LRRC7: variants seen among roughly 807,000 people sequenced by gnomAD.
LRRC7 encodes leucine rich repeat containing 7, also known as leucine-rich repeat-containing protein 7.
LRRC7 carries 23 observed loss-of-function variants against 175.7 expected under a neutral mutation model. The ratio of observed to expected loss-of-function variants is 0.13; its 90% CI spans 0.09 to 0.19. The LOEUF is 0.19. LRRC7 is among the 10% of genes least tolerant of loss of function. The pLI is 1.00. For missense variants in LRRC7, 1,354 were observed against 1,904.7 expected (o/e 0.71, Z 5.38); for synonymous variants, 685 against 680.9 (o/e 1.01, Z -0.09).
intron 2 of LRRC7, among the ~76,000 whole-genome samples, chr1:69,759,195 C>T (rs913527494): frequency 2.0e-5 from 3 of 152,016 alleles, no homozygotes; most frequent in South Asian, 2.1e-4. Flanking sequence ...CAGTAGCTGA[C>T]GGTGATTAGG....
chr1:69,804,470 GT>G (rs1345393056), intron 4 of LRRC7, among the ~76,000 whole-genome samples: 1 of 151,328 alleles, frequency 6.6e-6, no homozygotes, highest in Non-Finnish European at 1.5e-5. Flanking sequence ...GGAAAATGAA[GT>G]TTTGATCTCT....
chr1:69,733,134 G>A (rs1193652412), intron 2 of LRRC7, among the ~76,000 whole-genome samples: 1 of 152,038 alleles, frequency 6.6e-6, no homozygotes, highest in South Asian at 2.1e-4. Flanking sequence ...ATTTATAAAT[G>A]AGGACATGTG....
At position 70,129,330 on chromosome 1, in the gene LRRC7, G is replaced by A. The variant is rs973662054; in HGVS notation, c.*7443G>A. On this transcript the variant is annotated 3_prime_UTR_variant, in exon 27 of 27. Transcript: ENST00000651989. Reference sequence around the variant, plus strand: ...TAGGGCAACATTTGATAGGCTAAACGTGGCAAGTGTGAATGCCTTGCTAGA... The same window carrying A: ...TAGGGCAACATTTGATAGGCTAAACATGGCAAGTGTGAATGCCTTGCTAGA... Among the ~76,000 whole-genome samples the A allele has an allele frequency of 2.0e-4, 31 of 151,850 alleles. No homozygotes were observed. Among genetic ancestry groups the A allele is most frequent in the African/African-American group, 7.3e-4 (30 of 41,328 alleles).
At chr1:70,058,794 A>G (rs967706403) in intron 23 of LRRC7, among the ~76,000 whole-genome samples, 4 of 152,242 alleles carry the variant, frequency 2.6e-5, no homozygotes, top group Non-Finnish European at 5.9e-5. Flanking sequence ...AGGTGATACT[A>G]TAAAAGATAA....
At chr1:69,698,170 C>G (rs962903553) in intron 2 of LRRC7, among the ~76,000 whole-genome samples, 3 of 152,186 alleles carry the variant, frequency 2.0e-5, no homozygotes, top group African/African-American at 7.2e-5. Context: ...CAAGCTCTGA[C>G]AGAAGTTTTT....
chr1:70,016,088 AC>A (rs1206798392), intron 13 of LRRC7, among the ~76,000 whole-genome samples: 1 of 152,184 alleles, frequency 6.6e-6, no homozygotes, highest in Non-Finnish European at 1.5e-5. Context: ...GTGAATAGAT[AC>A]GTGGGATTCA....
At chr1:69,882,031 C>T (rs902909556) in intron 7 of LRRC7, among the ~76,000 whole-genome samples, 1 of 104,174 alleles carries the variant, frequency 9.6e-6, no homozygotes, top group Non-Finnish European at 2.1e-5. Context: ...AAAAAGCAAA[C>T]AAAAAATAAC....
intron 7 of LRRC7, among the ~76,000 whole-genome samples, chr1:69,908,473 C>T (rs1402024820): frequency 3.9e-5 from 6 of 151,964 alleles, no homozygotes; most frequent in Admixed American, 3.3e-4. Context: ...TCTTTGTTCT[C>T]GTTAGTTTCA....
chr1:70,072,985 A>G (rs1176542287), intron 23 of LRRC7, among the ~76,000 whole-genome samples: 4 of 152,194 alleles, frequency 2.6e-5, no homozygotes, highest in Non-Finnish European at 5.9e-5. Context: ...TAGTCTTTAA[A>G]AGGATGACCT....
rs1003501445 is a variant in LRRC7 at position 70,018,707 on chromosome 1, C to A, written c.1321-12C>A. 3.8e-6 allele frequency: 6 copies of A among 1,587,886 alleles called. No homozygotes were observed. The highest frequency in any genetic ancestry group is 1.1e-5 in the South Asian group (1 of 89,690). ...ATTGTATTCATCTAATTTGTATGTT[C>A]TTTGCTTCTAGTCCAAAGCCCTTAT... On this transcript the variant is annotated splice_polypyrimidine_tract_variant and intron_variant, in intron 14 of 26. Coordinates refer to ENST00000651989, the MANE Select transcript of LRRC7 (RefSeq NM_001370785.2).
At chr1:69,843,721 C>T (rs1032218844) in intron 7 of LRRC7, among the ~76,000 whole-genome samples, 3 of 151,950 alleles carry the variant, frequency 2.0e-5, no homozygotes, top group Admixed American at 2.0e-4. Flanking sequence ...ACATACTCTT[C>T]CAAAAAGATT....
chr1:69,935,587 T>C (rs1647923044), intron 8 of LRRC7, among the ~76,000 whole-genome samples: 1 of 152,294 alleles, frequency 6.6e-6, no homozygotes, highest in African/African-American at 2.4e-5. Flanking sequence ...AGATTGATGA[T>C]TTTTTCATAT....
intron 8 of LRRC7, among the ~76,000 whole-genome samples, chr1:69,966,935 T>G (rs1651723604): frequency 6.6e-6 from 1 of 152,192 alleles, no homozygotes; most frequent in African/African-American, 2.4e-5. Context: ...CAATTTGAAC[T>G]GATCAAGAAG....
chr1:69,882,751 C>T (rs920147557), intron 7 of LRRC7, among the ~76,000 whole-genome samples: 2 of 147,628 alleles, frequency 1.4e-5, no homozygotes, highest in African/African-American at 5.0e-5. Context: ...TCTCCCAATG[C>T]TATCCCTCCC....
At position 70,124,964 on chromosome 1, in the gene LRRC7, T is replaced by C. The variant is rs1047128104; in HGVS notation, c.*3077T>C. 5.9e-5 allele frequency among the ~76,000 whole-genome samples: 9 copies of C among 152,144 alleles called. No homozygotes were observed. Among genetic ancestry groups the C allele is most frequent in the African/African-American group, 2.2e-4 (9 of 41,428 alleles). ...TGAAAATTACTAGTAAAATTGCAAA[T>C]TTTGCAAGACAAATAGATATTAGTG... On this transcript the variant is annotated 3_prime_UTR_variant, in exon 27 of 27. Transcript: ENST00000651989.
At chr1:69,659,613 T>A (rs1362302849) in intron 1 of LRRC7, among the ~76,000 whole-genome samples, 1 of 151,878 alleles carries the variant, frequency 6.6e-6, no homozygotes, top group African/African-American at 2.4e-5. Context: ...CATATACATT[T>A]AATTTCTCAT....
intron 1 of LRRC7, among the ~76,000 whole-genome samples, chr1:69,583,194 T>C (rs1291400385): frequency 6.6e-6 from 1 of 151,912 alleles, no homozygotes; most frequent in Non-Finnish European, 1.5e-5. Context: ...TAAATTCCCT[T>C]TCACATTCAA....
intron 22 of LRRC7, among the ~76,000 whole-genome samples, chr1:70,049,688 A>G (rs367819531): frequency 3.9e-5 from 6 of 152,112 alleles, no homozygotes; most frequent in African/African-American, 1.2e-4. Context: ...TGGGCATTAT[A>G]TTACCACCTT....
At chr1:70,018,204 A>G (rs932511269) in intron 14 of LRRC7, among the ~76,000 whole-genome samples, 5 of 152,114 alleles carry the variant, frequency 3.3e-5, no homozygotes, top group African/African-American at 1.2e-4. Context: ...TCAATATATT[A>G]TGATATATCA....
Sources: allele counts gnomAD v4.1 joint callset (sites outside exome capture counted in the v4.1 genomes callset), GRCh38; gene constraint gnomAD v4.1.1; transcripts MANE v1.5; gene names NCBI Gene and HGNC (gene_info 2026-07-23, HGNC 2026-07-21).